Variants in C8B observed in about 807,000 individuals in gnomAD.
C8B encodes complement component C8 beta chain.
A neutral mutation model predicts 64.6 loss-of-function variants in C8B; 67 were observed. That is an observed-to-expected ratio of 1.04 (90% CI 0.85 to 1.27). C8B has a LOEUF of 1.27. Among genes scored for constraint, C8B ranks in the 50% most tolerant of loss-of-function variants. The probability of loss-of-function intolerance (pLI) is 0.00; values close to 1 mark genes in which losing one functional copy is unlikely to be tolerated. For missense variants in C8B, 790 were observed against 725.2 expected (o/e 1.09, Z -1.03); for synonymous variants, 284 against 257.7 (o/e 1.10, Z -0.98).
At chr1:56,954,268 C>A (rs1421267786) in intron 4 of C8B, among the ~76,000 whole-genome samples, 1 of 152,154 alleles carries the variant, frequency 6.6e-6, no homozygotes, top group Admixed American at 6.5e-5. Context: ...CTTGGAGGGA[C>A]CAATGCTGGG....
chr1:56,940,660 G>T (rs540169029), intron 9 of C8B, among the ~76,000 whole-genome samples, 189 bp downstream of exon 9: 13 of 152,210 alleles, frequency 8.5e-5, no homozygotes, highest in Admixed American at 1.3e-4. Context: ...GGAGTCAAGG[G>T]TCTCTAGGTA....
chr1:56,931,692 A>T (rs2101350983), intron 11 of C8B, 118 bp downstream of exon 11: 1 of 699,354 alleles, frequency 1.4e-6, no homozygotes, highest in East Asian at 2.8e-5. Flanking sequence ...GCTGAGTTTA[A>T]GCAGGATGGA....
At chr1:56,955,693 A>C (rs1342180699) in intron 3 of C8B, among the ~76,000 whole-genome samples, 2 of 152,250 alleles carry the variant, frequency 1.3e-5, no homozygotes, top group Non-Finnish European at 2.9e-5. Flanking sequence ...GGCCATAATG[A>C]GTCCACGGAT....
chr1:56,943,931 C>T (rs555712429), intron 7 of C8B, 107 bp from the exon 8 acceptor site: 113 of 1,327,122 alleles, frequency 8.5e-5, no homozygotes, highest in Middle Eastern at 1.9e-4. Flanking sequence ...CACAAGGACT[C>T]GGGTTCAAAT....
chr1:56,956,710 C>T, intron 3 of C8B, 59 bp downstream of exon 3: 3 of 1,591,144 alleles, frequency 1.9e-6, no homozygotes, highest in Non-Finnish European at 2.6e-6. Context: ...GTCCCTTGGT[C>T]ATCAAGAACC....
intron 6 of C8B, 61 bp downstream of exon 6, chr1:56,949,494 A>T: frequency 7.1e-7 from 1 of 1,399,076 alleles, no homozygotes; most frequent in Non-Finnish European, 1.0e-6. Flanking sequence ...GTGTTTTGTT[A>T]CAGCAGCAGA....
At chr1:56,961,276 A>T (rs1249994486) in intron 1 of C8B, among the ~76,000 whole-genome samples, 1 of 152,186 alleles carries the variant, frequency 6.6e-6, no homozygotes, top group Non-Finnish European at 1.5e-5. Flanking sequence ...ACAAAAAGAG[A>T]TGGGAAGACA....
chr1:56,929,514 A>G lies in C8B; in HGVS notation c.1666T>C (p.Ser556Pro). The G allele has an allele frequency of 6.2e-7, 1 of 1,613,954 alleles. No homozygotes were observed. Among genetic ancestry groups the G allele is most frequent in the African/African-American group, 1.3e-5 (1 of 75,056 alleles). Residue 556 changes from serine to proline, a missense_variant, in exon 12 of 12, where the codon TCA becomes CCA. Ser to Pro is a moderately conservative substitution (Grantham distance 74). Coordinates refer to ENST00000371237, the MANE Select transcript of C8B (RefSeq NM_000066.4). ...CTTGTCTTACGTCTTCCAGAGCATGAAGACCAATTTGACCAGCAATTCCAC... is the reference window on the plus strand; with the variant it reads ...CTTGTCTTACGTCTTCCAGAGCATGGAGACCAATTTGACCAGCAATTCCAC... ...GKWNCWSNWS[S>P]CSGRRKTRQR...
chr1:56,946,020 T>G lies in C8B; in HGVS notation c.906A>C (p.Ala302=), dbSNP rs755983290. 2.2e-5 allele frequency: 36 copies of G among 1,614,012 alleles called. No individual in the cohort carries two copies. Among genetic ancestry groups the G allele is most frequent in the Non-Finnish European group, 2.6e-5 (31 of 1,180,010 alleles). The change falls in exon 7 of 12, where the codon GCA becomes GCC. Residue 302 remains alanine (A), a synonymous_variant. Coordinates refer to ENST00000371237, the MANE Select transcript of C8B (RefSeq NM_000066.4). The part of the protein sequence containing the change: ...FLHARSDLEV[A]HYKLKPRSLM... ...GGCTTCTGGGTTTCAGCTTGTAATG[T>G]GCTACTTCAAGGTCAGAGCGTGCAT...
intron 9 of C8B, among the ~76,000 whole-genome samples, chr1:56,935,334 C>T (rs558457053): frequency 6.6e-6 from 1 of 152,220 alleles, no homozygotes; most frequent in Admixed American, 6.5e-5. Flanking sequence ...ATTTGCTGCT[C>T]ATTTTTTTCC....
At chr1:56,941,126 A>G (rs1211685218) in intron 8 of C8B, 114 bp from the exon 9 acceptor site, 11 of 1,189,418 alleles carry the variant, frequency 9.2e-6, no homozygotes, top group African/African-American at 1.5e-5. Context: ...TGTCTGAGAG[A>G]TGTGGGTGGA....
chr1:56,943,851 T>C, intron 7 of C8B, 27 bp from the exon 8 acceptor site: 1 of 1,613,170 alleles, frequency 6.2e-7, no homozygotes. Flanking sequence ...AAAAGGTCCA[T>C]GACGTAAAAG....
chr1:56,943,633 T>A (rs1345471262), intron 8 of C8B, 63 bp downstream of exon 8: 2 of 1,595,158 alleles, frequency 1.3e-6, no homozygotes, highest in East Asian at 4.5e-5. Context: ...GGTGTTGTAA[T>A]CACCAGAGGC....
chr1:56,936,111 C>A (rs140457202), intron 9 of C8B, among the ~76,000 whole-genome samples: 25 of 152,322 alleles, frequency 1.6e-4, no homozygotes, highest in African/African-American at 4.8e-4. Context: ...CAAACTAAGA[C>A]ATGCCTTTAC....
At position 56,929,349 on chromosome 1, in the gene C8B, G is replaced by C; in HGVS notation, c.*55C>G. 6.3e-7 allele frequency: 1 copy of C among 1,593,486 alleles called. No homozygotes were observed. On this transcript the variant is annotated 3_prime_UTR_variant, in exon 12 of 12. Coordinates refer to ENST00000371237, the MANE Select transcript of C8B (RefSeq NM_000066.4). ...AACTGGTGTAGGGCTGAGCTGGCATGAGTTCTTGAGGGCTCAGGGCTCTCA... is the reference window on the plus strand; with the variant it reads ...AACTGGTGTAGGGCTGAGCTGGCATCAGTTCTTGAGGGCTCAGGGCTCTCA...
In C8B at chr1:56,929,321, G is replaced by A; in HGVS notation, c.*83C>T. 1 of 1,451,068 alleles carries A rather than the reference G, an allele frequency of 6.9e-7. No individual in the cohort carries two copies. Among genetic ancestry groups the A allele is most frequent in the Admixed American group, 1.7e-5 (1 of 59,766 alleles). The allele number at this position is 1,451,068 out of a possible 1,614,324, so 89.9% of individuals were successfully genotyped here. On this transcript the variant is annotated 3_prime_UTR_variant, in exon 12 of 12. Coordinates refer to ENST00000371237, the MANE Select transcript of C8B (RefSeq NM_000066.4). ...TTTTGCCCTTGCATGAACTCCAGGT[G>A]GAAACTGGTGTAGGGCTGAGCTGGC...
At chr1:56,933,634 C>G in intron 9 of C8B, 146 bp from the exon 10 acceptor site, 2 of 734,674 alleles carry the variant, frequency 2.7e-6, no homozygotes, top group Non-Finnish European at 4.8e-6. Context: ...CCCATCTTCT[C>G]TCTGCTTCCC....
At chr1:56,941,093 G>A (rs999852752) in intron 8 of C8B, 81 bp from the exon 9 acceptor site, 80 of 1,472,128 alleles carry the variant, frequency 5.4e-5, no homozygotes, top group Non-Finnish European at 7.1e-5. Context: ...CCAACAATTT[G>A]GGTACACCAT....
At chr1:56,939,469 C>A (rs1056309953) in intron 9 of C8B, among the ~76,000 whole-genome samples, 3 of 152,180 alleles carry the variant, frequency 2.0e-5, no homozygotes. Context: ...CTCATCAGAG[C>A]ACCAGTCCCT....
Sources: allele counts gnomAD v4.1 joint callset (sites outside exome capture counted in the v4.1 genomes callset), GRCh38; gene constraint gnomAD v4.1.1; transcripts MANE v1.5; gene names NCBI Gene and HGNC (gene_info 2026-07-23, HGNC 2026-07-21).